The following MARCHF10 variants were observed in gnomAD, a reference collection of about 807,000 sequenced individuals.
The protein encoded by MARCHF10 is membrane associated ring-CH-type finger 10, also known as probable E3 ubiquitin-protein ligase MARCHF10.
Under a neutral mutation model 76.2 loss-of-function variants are expected in MARCHF10, and 64 were observed. That is an observed-to-expected ratio of 0.84 (90% confidence interval 0.69 to 1.03). MARCHF10 has a LOEUF of 1.03. Ranked by LOEUF, MARCHF10 falls within the 50% of genes least tolerant of loss-of-function variation. The pLI is 0.00. For missense variants in MARCHF10, 875 were observed against 958.0 expected, an observed-to-expected ratio of 0.91 and a Z score of 1.14; for synonymous variants, 340 against 357.5, an observed-to-expected ratio of 0.95 and a Z score of 0.55.
chr17:62,730,919 C>T (rs2091000151), intron 6 of MARCHF10, among the ~76,000 whole-genome samples: 1 of 151,452 alleles, frequency 6.6e-6, no homozygotes. Flanking sequence ...ACAACAACGA[C>T]AACAACAAAA....
intron 3 of MARCHF10, among the ~76,000 whole-genome samples, chr17:62,779,603 C>T (rs550430387): frequency 2.0e-5 from 3 of 152,246 alleles, no homozygotes; most frequent in Non-Finnish European, 4.4e-5. Flanking sequence ...CTGAGTCACC[C>T]GAGAGCTAAT....
In MARCHF10 at chr17:62,712,295, A is replaced by T. The variant is rs2089974352; in HGVS notation, c.2215-951T>A. 6.6e-6 allele frequency among the ~76,000 whole-genome samples: 1 copy of T among 152,216 alleles called. No homozygotes were observed. The highest frequency in any genetic ancestry group is 2.4e-5 in the African/African-American group (1 of 41,462). ...ATGGCCCCTTCCGTCACCCTTGGGA[A>T]AGCTTGCAACTGTGACTCTGTCGGC... On this transcript the variant is annotated intron_variant, in intron 8 of 10. Coordinates refer to ENST00000311269, the MANE Select transcript of MARCHF10 (RefSeq NM_152598.4). This position sits in a 1 kb window ranked among gnomAD's most constrained non-coding sequence, Gnocchi z 4.2.
rs1390568281 is a variant in MARCHF10, at chr17:62,763,374, T to C, written c.211-3368A>G. 2.0e-5 allele frequency among the ~76,000 whole-genome samples: 3 copies of C among 152,218 alleles called. No homozygotes were observed. The East Asian group carries it at 5.8e-4, about 29-fold the overall frequency. ...GGTTTCTTCTCCAGGGAATATAATCTATAATAGTATGACAATCTTATAAAT... is the reference window on the plus strand; with the variant it reads ...GGTTTCTTCTCCAGGGAATATAATCCATAATAGTATGACAATCTTATAAAT... On this transcript the variant is annotated intron_variant, in intron 3 of 10. Transcript: ENST00000311269.
chr17:62,724,937 C>G lies in MARCHF10; in HGVS notation c.2104+1G>C, dbSNP rs139886504. The G allele has an allele frequency of 4.3e-6, 7 of 1,611,556 alleles. No individual in the cohort carries two copies. The highest frequency in any genetic ancestry group is 5.9e-6 in the Non-Finnish European group (7 of 1,179,074). ...TTCACTGCACTTCCTTCCCCACCTA[C>G]CTGATGTTATTTTCACTTTCAGCCA... On this transcript the variant is annotated splice_donor_variant, in intron 7 of 10. Coordinates refer to ENST00000311269, the MANE Select transcript of MARCHF10 (RefSeq NM_152598.4). LOFTEE classifies it high-confidence loss of function.
At chr17:62,704,175 G>A (rs2089428317) in intron 10 of MARCHF10, among the ~76,000 whole-genome samples, 1 of 151,512 alleles carries the variant, frequency 6.6e-6, no homozygotes, top group African/African-American at 2.4e-5. Context: ...GGCCCTCGCC[G>A]AGGCGGAGGC....
At chr17:62,701,817 A>AG in intron 10 of MARCHF10, 59 bp from the exon 11 acceptor site, 1 of 1,607,256 alleles carries the variant, frequency 6.2e-7, no homozygotes, top group South Asian at 1.1e-5. Context: ...GGTCTGTTAC[A>AG]GGGGGCACGG....
chr17:62,741,002 T>C (rs77706988), intron 5 of MARCHF10, among the ~76,000 whole-genome samples: 4,633 of 152,274 alleles, frequency 0.03, 260 homozygotes, highest in African/African-American at 0.1. Flanking sequence ...ACAGGCTCCA[T>C]AACCCGTTAT....
intron 3 of MARCHF10, among the ~76,000 whole-genome samples, chr17:62,766,874 G>A (rs1002320587): frequency 6.6e-6 from 1 of 152,150 alleles, no homozygotes. Context: ...CCAGCAAAAC[G>A]GAAAACAATG....
At chr17:62,725,250 A>G in intron 6 of MARCHF10, 146 bp from the exon 7 acceptor site, 1 of 647,038 alleles carries the variant, frequency 1.5e-6, no homozygotes, top group East Asian at 3.3e-5. Context: ...ATGATTTTTG[A>G]TAACACAGGC....
intron 6 of MARCHF10, chr17:62,735,691 A>G (rs1400862999): frequency 2.0e-6 from 1 of 508,776 alleles, no homozygotes; most frequent in African/African-American, 2.0e-5. Context: ...TGTGGTATTC[A>G]AGGAAAAAAA....
chr17:62,701,642 G>T lies in MARCHF10; in HGVS notation c.*61C>A. ...GAGGAGGAGGGAGGGAGGCACTTGGGGACGTAGAAAGAAGGGCTGGCGGGA... is the reference window on the plus strand; with the variant it reads ...GAGGAGGAGGGAGGGAGGCACTTGGTGACGTAGAAAGAAGGGCTGGCGGGA... On this transcript the variant is annotated 3_prime_UTR_variant, in exon 11 of 11. Coordinates refer to ENST00000311269, the MANE Select transcript of MARCHF10 (RefSeq NM_152598.4). The T allele has an allele frequency of 6.2e-7, 1 of 1,612,834 alleles. No individual in the cohort carries two copies. The highest frequency in any genetic ancestry group is 1.7e-5 in the Admixed American group (1 of 60,022).
chr17:62,724,435 A>G (rs942220036), intron 7 of MARCHF10, among the ~76,000 whole-genome samples: 1 of 152,066 alleles, frequency 6.6e-6, no homozygotes, highest in African/African-American at 2.4e-5. Flanking sequence ...TCTTATCCCT[A>G]TTGCTAAAAG....
At chr17:62,792,683 C>T (rs2092870849) in intron 2 of MARCHF10, among the ~76,000 whole-genome samples, 1 of 149,710 alleles carries the variant, frequency 6.7e-6, no homozygotes, top group African/African-American at 2.5e-5. Flanking sequence ...CCACCACCTC[C>T]ATCACCACCA....
At chr17:62,786,604 T>C (rs781023820) in intron 3 of MARCHF10, among the ~76,000 whole-genome samples, 1 of 152,228 alleles carries the variant, frequency 6.6e-6, no homozygotes, top group East Asian at 1.9e-4. Flanking sequence ...AACTGTATTA[T>C]AGAAGCTATT....
chr17:62,795,169 T>C (rs1413424819), intron 2 of MARCHF10: 2 of 323,184 alleles, frequency 6.2e-6, no homozygotes, highest in African/African-American at 2.2e-5. Context: ...CACATGTATA[T>C]TGAGATATTT....
rs1211159364 is a variant in MARCHF10 at position 62,762,565 on chromosome 17, G to C, written c.211-2559C>G. Reference sequence around the variant, plus strand: ...CTATCCTCTTTCTTTCTTTTTTCTGGAGACAGAGTCTTGCTCTGTCACCCA... The same window carrying C: ...CTATCCTCTTTCTTTCTTTTTTCTGCAGACAGAGTCTTGCTCTGTCACCCA... On this transcript the variant is annotated intron_variant, in intron 3 of 10. Coordinates refer to ENST00000311269, the MANE Select transcript of MARCHF10 (RefSeq NM_152598.4). Among the ~76,000 whole-genome samples the C allele has an allele frequency of 2.0e-5, 3 of 151,136 alleles. No individual in the cohort carries two copies. In the East Asian group the frequency reaches 5.8e-4, roughly 29 times the overall value.
At position 62,744,447 on chromosome 17, in the gene MARCHF10, G is replaced by C. The variant is rs147336333; in HGVS notation, c.464C>G (p.Pro155Arg). 9 of 1,614,008 alleles carry C rather than the reference G, an allele frequency of 5.6e-6. No homozygotes were observed. Among genetic ancestry groups the C allele is most frequent in the African/African-American group, 1.3e-5 (1 of 74,906 alleles). ...RFTVSPESHS[P>R]RASGDRSRQK... ...TCTGCTTCTGTCCCCAGATGCTCTC[G>C]GGCTGTGCGATTCTGGGCTGACTGT... The change falls in exon 5 of 11, where the codon CCG becomes CGG. Residue 155 changes from proline to arginine, a missense_variant. By Grantham distance (103) the Pro-to-Arg change is moderately radical. Coordinates refer to ENST00000311269, the MANE Select transcript of MARCHF10 (RefSeq NM_152598.4).
chr17:62,793,920 A>G (rs2092936105), intron 2 of MARCHF10, among the ~76,000 whole-genome samples: 1 of 137,574 alleles, frequency 7.3e-6, no homozygotes, highest in Non-Finnish European at 1.5e-5. Flanking sequence ...CATCACCACC[A>G]CCACCACCTC....
chr17:62,746,759 T>C, intron 4 of MARCHF10: 1 of 817,026 alleles, frequency 1.2e-6, no homozygotes. Context: ...GAATTTCACT[T>C]TGATTTCCAG....
Sources: gnomAD v4.1 joint callset for allele counts (sites outside exome capture counted in the v4.1 genomes callset) on GRCh38, gnomAD v4.1.1 for gene constraint, Gnocchi (gnomAD v3.1) non-coding constraint, MANE v1.5 for transcripts, NCBI Gene and HGNC (gene_info 2026-07-23, HGNC 2026-07-21) for gene names.